ACSS2: variants seen among roughly 807,000 people sequenced by gnomAD.
The protein encoded by ACSS2 is acyl-CoA synthetase short chain family member 2.
ACSS2 carries 58 observed loss-of-function variants against 90.6 expected under a neutral mutation model. The observed-to-expected ratio is 0.64, with a 90% CI of 0.52 to 0.80. The LOEUF (loss-of-function observed/expected upper bound fraction) is 0.80, where lower values mean the gene tolerates loss of function less well. ACSS2 is among the 30% of genes least tolerant of loss of function. The probability of loss-of-function intolerance (pLI) is 0.00; values close to 1 mark genes in which losing one functional copy is unlikely to be tolerated. For missense variants in ACSS2, 759 were observed against 912.0 expected (o/e 0.83, Z 2.16); for synonymous variants, 300 against 330.9 (o/e 0.91, Z 1.01).
At chr20:34,911,515 C>T (rs149094373) in intron 2 of ACSS2, among the ~76,000 whole-genome samples, 4 of 151,490 alleles carry the variant, frequency 2.6e-5, no homozygotes, top group Non-Finnish European at 4.4e-5. Context: ...TTTAGAGATG[C>T]GGTCTTGCTA....
intron 2 of ACSS2, among the ~76,000 whole-genome samples, chr20:34,897,047 ATAG>A (rs1403974167): frequency 5.9e-5 from 9 of 151,708 alleles, no homozygotes; most frequent in Admixed American, 1.3e-4. Flanking sequence ...AAAAAAAAAA[ATAG>A]AAAGAGGCAA....
chr20:34,878,124 G>A lies in ACSS2; in HGVS notation c.178+1301G>A, dbSNP rs568775934. Among the ~76,000 whole-genome samples the A allele has an allele frequency of 2.6e-5, 4 of 152,232 alleles. No homozygotes were observed. In the South Asian group the frequency reaches 8.3e-4, roughly 32 times the overall value. ...ACTTTTTTGTATTTTTTGGAGAGAC[G>A]AGGTTTTGCCATGTTGCCCAGGCTG... On this transcript the variant is annotated intron_variant, in intron 1 of 17. Coordinates refer to ENST00000360596, the MANE Select transcript of ACSS2 (RefSeq NM_018677.4).
chr20:34,886,504 G>A (rs767959816), intron 2 of ACSS2, among the ~76,000 whole-genome samples: 1 of 152,096 alleles, frequency 6.6e-6, no homozygotes, highest in African/African-American at 2.4e-5. Flanking sequence ...CACACCTGCA[G>A]TCCCAGCTAC....
chr20:34,880,746 T>G (rs944676662), intron 1 of ACSS2, among the ~76,000 whole-genome samples: 1 of 152,056 alleles, frequency 6.6e-6, no homozygotes, highest in African/African-American at 2.4e-5. Flanking sequence ...TAATGGCACC[T>G]TGGGGTTGAT....
chr20:34,877,818 C>CAAAAAAAAAAA (rs60819156), intron 1 of ACSS2, among the ~76,000 whole-genome samples: 1 of 91,222 alleles, frequency 1.1e-5, no homozygotes, highest in African/African-American at 4.8e-5. Flanking sequence ...GACTTTGTCT[C>CAAAAAAAAAAA]AAAAAAAAAA....
At chr20:34,884,671 C>T (rs901629812) in intron 2 of ACSS2, among the ~76,000 whole-genome samples, 4 of 152,358 alleles carry the variant, frequency 2.6e-5, no homozygotes, top group South Asian at 2.1e-4. Context: ...TGTTGAGACT[C>T]TCTTTAGCTT....
chr20:34,910,531 C>T (rs117954130), intron 2 of ACSS2, among the ~76,000 whole-genome samples: 3,573 of 152,168 alleles, frequency 0.023, 62 homozygotes, highest in Non-Finnish European at 0.037. Context: ...AGCATGTGCC[C>T]GTAGTCCCAG....
chr20:34,913,108 G>T lies in ACSS2; in HGVS notation c.387G>T (p.Glu129Asp). 6.2e-7 allele frequency: 1 copy of T among 1,614,060 alleles called. No homozygotes were observed. The highest frequency in any genetic ancestry group is 8.5e-7 in the Non-Finnish European group (1 of 1,179,956). ...DKVAFYWEGN[E>D]PGETTQITYH... ...TGGTATGTCTCAGGGAGGGCAATGA[G>T]CCAGGGGAGACCACTCAGATCACAT... Residue 129 changes from glutamate to aspartate, a missense_variant, in exon 3 of 18, where the codon GAG becomes GAT. Transcript: ENST00000360596.
At chr20:34,888,794 G>A (rs1252900225) in intron 2 of ACSS2, among the ~76,000 whole-genome samples, 1 of 152,132 alleles carries the variant, frequency 6.6e-6, no homozygotes, top group African/African-American at 2.4e-5. Flanking sequence ...AGTTGGGGTA[G>A]GGAGGGGAAA....
chr20:34,920,500 G>A (rs553389075), intron 8 of ACSS2, 39 bp from the exon 9 acceptor site: 9 of 1,594,406 alleles, frequency 5.6e-6, no homozygotes, highest in Middle Eastern at 1.7e-4. Flanking sequence ...CAGTAGGGGT[G>A]GGCATAAGAC....
rs544746167 is a variant in ACSS2, at chr20:34,894,169, G to T, written c.374+11180G>T. Among the ~76,000 whole-genome samples the T allele has an allele frequency of 4.6e-5, 7 of 152,212 alleles. No homozygotes were observed. In the South Asian group the frequency reaches 1.5e-3, roughly 32 times the overall value. ...CTGCTTTTGAGGATGGTTACTTGAG[G>T]TGTCCTCCAAACTGCCACATATAGT... On this transcript the variant is annotated intron_variant, in intron 2 of 17. Coordinates refer to ENST00000360596, the MANE Select transcript of ACSS2 (RefSeq NM_018677.4).
intron 2 of ACSS2, among the ~76,000 whole-genome samples, chr20:34,889,006 CTTT>C (rs71299220): frequency 4.2e-5 from 6 of 141,888 alleles, no homozygotes; most frequent in Admixed American, 7.0e-5. Context: ...ACTAGACAAT[CTTT>C]TTTTTTTTTT....
chr20:34,893,428 A>C (rs2080384418), intron 2 of ACSS2: 1 of 152,914 alleles, frequency 6.5e-6, no homozygotes, highest in African/African-American at 2.4e-5. Context: ...GCTGGAGTGC[A>C]ATGGTGTGAT....
intron 1 of ACSS2, among the ~76,000 whole-genome samples, chr20:34,879,556 A>G (rs1185689238): frequency 6.6e-6 from 1 of 151,692 alleles, no homozygotes; most frequent in Non-Finnish European, 1.5e-5. Context: ...AAACCCAGAA[A>G]AACTAAGTGT....
chr20:34,884,528 C>T lies in ACSS2; in HGVS notation c.374+1539C>T, dbSNP rs945504292. 1.2e-4 allele frequency among the ~76,000 whole-genome samples: 19 copies of T among 152,158 alleles called. 1 individual carries two copies. The highest frequency in any genetic ancestry group is 4.1e-4 in the African/African-American group (17 of 41,440). On this transcript the variant is annotated intron_variant, in intron 2 of 17. Coordinates refer to ENST00000360596, the MANE Select transcript of ACSS2 (RefSeq NM_018677.4). ...TTTCTCTCTAGATTGTTGTAAGAAT[C>T]AAATGAGATAACGTTGTAAAAGCAC...
chr20:34,915,053 T>G (rs1027112038), intron 7 of ACSS2, among the ~76,000 whole-genome samples: 1 of 152,060 alleles, frequency 6.6e-6, no homozygotes, highest in Non-Finnish European at 1.5e-5. Flanking sequence ...CCAATCAGTG[T>G]TAGGGGTTTT....
Position 34,882,787 on chromosome 20 carries a change from G to A in ACSS2, c.179-7G>A. ...TAATGATATCTGGGCTTCCATTTCT[G>A]TTGCAGAATTCTGGGGAGACATTGC... On this transcript the variant is annotated splice_polypyrimidine_tract_variant and splice_region_variant and intron_variant, in intron 1 of 17. Transcript: ENST00000360596. 6.2e-7 allele frequency: 1 copy of A among 1,610,950 alleles called. No homozygotes were observed. Among genetic ancestry groups the A allele is most frequent in the Non-Finnish European group, 8.5e-7 (1 of 1,179,084 alleles).
At chr20:34,913,535 G>A in intron 4 of ACSS2, 39 bp downstream of exon 4, 5 of 1,570,242 alleles carry the variant, frequency 3.2e-6, no homozygotes, top group East Asian at 2.2e-5. Flanking sequence ...AGGCGGGGGG[G>A]TGGGGCTCTG....
chr20:34,899,100 C>T (rs2080556529), intron 2 of ACSS2, among the ~76,000 whole-genome samples: 1 of 152,202 alleles, frequency 6.6e-6, no homozygotes, highest in South Asian at 2.1e-4. Context: ...GCTCCGAGTG[C>T]GGGGCCTGCC....
Sources: gnomAD v4.1 joint callset for allele counts (sites outside exome capture counted in the v4.1 genomes callset) on GRCh38, gnomAD v4.1.1 for gene constraint, MANE v1.5 for transcripts, NCBI Gene and HGNC (gene_info 2026-07-23, HGNC 2026-07-21) for gene names.